Variants in AHCYL2 observed in about 807,000 individuals in gnomAD.
AHCYL2 encodes the protein S-adenosylhomocysteine hydrolase-like protein 2.
Under a neutral mutation model 81.4 loss-of-function variants are expected in AHCYL2, and 28 were observed. The observed-to-expected ratio is 0.34, with a 90% CI of 0.25 to 0.47. The LOEUF is 0.47. AHCYL2 is among the 20% of genes least tolerant of loss of function. AHCYL2 has a pLI of 1.00. For missense variants in AHCYL2, 551 were observed against 785.1 expected (o/e 0.70, Z 3.56); for synonymous variants, 272 against 290.2 (o/e 0.94, Z 0.64).
In AHCYL2 at chr7:129,225,252, G is replaced by C. The variant is rs558245329; in HGVS notation, c.176G>C (p.Arg59Pro). The change falls in exon 1 of 17, where the codon CGG (arginine) becomes CCG (proline). Residue 59 changes from arginine (R) to proline (P), a missense_variant. Arg to Pro is a moderately radical substitution (Grantham distance 103). Transcript: ENST00000325006. ...GAGGCTCCAGCTCCCGCCGCGGAGC[G>C]GCCCCCGGTCCCCGGCCCGGGCTCG... ...DPEAPAPAAE[R>P]PPVPGPGSGP... The C allele has an allele frequency of 2.1e-5, 31 of 1,461,610 alleles. No individual in the cohort carries two copies. In the South Asian group the frequency reaches 4.0e-4, roughly 19 times the overall value. The allele number at this position is 1,461,610 out of a possible 1,614,324, so 90.5% of individuals were successfully genotyped here.
At chr7:129,380,872 CT>C (rs1374946040) in intron 2 of AHCYL2, among the ~76,000 whole-genome samples, 1 of 152,120 alleles carries the variant, frequency 6.6e-6, no homozygotes, top group African/African-American at 2.4e-5. Context: ...TCCTGAGTAG[CT>C]GAGACCACAG....
rs144765228 is a variant in AHCYL2, at chr7:129,247,660, G to A, written c.363+22221G>A. 5.2e-3 allele frequency among the ~76,000 whole-genome samples: 784 copies of A among 152,014 alleles called. 11 individuals carry two copies. The highest frequency in any genetic ancestry group is 0.018 in the African/African-American group (749 of 41,472). On this transcript the variant is annotated intron_variant, in intron 1 of 16. Transcript: ENST00000325006. ...CTGTCACCCAGTTTGGAGTGCAGTAGCATGATCATGGCTTACTGCAGCCTT... is the reference window on the plus strand; with the variant it reads ...CTGTCACCCAGTTTGGAGTGCAGTAACATGATCATGGCTTACTGCAGCCTT...
intron 1 of AHCYL2, among the ~76,000 whole-genome samples, chr7:129,230,117 C>T (rs1432675302): frequency 7.1e-6 from 1 of 141,472 alleles, no homozygotes; most frequent in Non-Finnish European, 1.5e-5. Context: ...CCAAGTCTCG[C>T]TCTGTCACCC....
At chr7:129,289,895 G>A (rs150052954) in intron 1 of AHCYL2, among the ~76,000 whole-genome samples, 6 of 151,746 alleles carry the variant, frequency 4.0e-5, no homozygotes, top group Non-Finnish European at 8.8e-5. Flanking sequence ...TGATTCTCCT[G>A]CCTCAGTCTC....
At chr7:129,230,468 T>C (rs1430505178) in intron 1 of AHCYL2, among the ~76,000 whole-genome samples, 1 of 152,186 alleles carries the variant, frequency 6.6e-6, no homozygotes, top group Non-Finnish European at 1.5e-5. Context: ...TTAAGGAATT[T>C]GTCTCAAGGT....
intron 1 of AHCYL2, among the ~76,000 whole-genome samples, chr7:129,318,736 G>A (rs1325951836): frequency 1.3e-5 from 2 of 151,770 alleles, no homozygotes; most frequent in Non-Finnish European, 1.5e-5. Flanking sequence ...ACATAATTGT[G>A]TATAGTATAG....
At chr7:129,268,189 T>A (rs1400346295) in intron 1 of AHCYL2, among the ~76,000 whole-genome samples, 1 of 152,206 alleles carries the variant, frequency 6.6e-6, no homozygotes, top group Non-Finnish European at 1.5e-5. Flanking sequence ...TTTAAGCCTC[T>A]ATGTTATCTT....
chr7:129,254,583 A>G (rs1795347427), intron 1 of AHCYL2, among the ~76,000 whole-genome samples: 1 of 152,222 alleles, frequency 6.6e-6, no homozygotes, highest in South Asian at 2.1e-4. Flanking sequence ...TTTTCAAAGA[A>G]ATAGCAATTT....
intron 1 of AHCYL2, among the ~76,000 whole-genome samples, chr7:129,256,542 ACCCCC>A (rs1228915009): frequency 6.8e-5 from 4 of 58,456 alleles, no homozygotes; most frequent in African/African-American, 3.0e-4. Flanking sequence ...CCCGCCCCCC[ACCCCC>A]CACCCCCCCC....
intron 1 of AHCYL2, among the ~76,000 whole-genome samples, chr7:129,269,131 G>T (rs1411500191): frequency 7.2e-6 from 1 of 139,376 alleles, no homozygotes; most frequent in African/African-American, 2.7e-5. Flanking sequence ...AATGATTCCT[G>T]TTTTTTTTTT....
At chr7:129,245,481 C>T (rs1795021002) in intron 1 of AHCYL2, among the ~76,000 whole-genome samples, 1 of 152,170 alleles carries the variant, frequency 6.6e-6, no homozygotes, top group Admixed American at 6.5e-5. Context: ...CAAACCAAAA[C>T]TCCATACCCA....
At chr7:129,308,003 G>A (rs574244184) in intron 1 of AHCYL2, among the ~76,000 whole-genome samples, 8 of 151,820 alleles carry the variant, frequency 5.3e-5, no homozygotes, top group African/African-American at 1.9e-4. Context: ...TCCTCAAGCA[G>A]AAGAAAGGGG....
At chr7:129,246,318 A>G (rs1251274756) in intron 1 of AHCYL2, among the ~76,000 whole-genome samples, 3 of 152,140 alleles carry the variant, frequency 2.0e-5, no homozygotes, top group Non-Finnish European at 4.4e-5. Flanking sequence ...TCGGCCTCCC[A>G]AAGTGCTGGG....
At chr7:129,275,795 A>C (rs557022805) in intron 1 of AHCYL2, among the ~76,000 whole-genome samples, 2 of 152,168 alleles carry the variant, frequency 1.3e-5, no homozygotes, top group Non-Finnish European at 2.9e-5. Flanking sequence ...ATAAAATGGA[A>C]AAATTTAACA....
At chr7:129,345,010 C>T (rs1793311367) in intron 1 of AHCYL2, among the ~76,000 whole-genome samples, 1 of 152,020 alleles carries the variant, frequency 6.6e-6, no homozygotes, top group Admixed American at 6.6e-5. Context: ...CGAAAATTAG[C>T]CAGGCATGGT....
rs1171133584 is a variant in AHCYL2, at chr7:129,426,264, T to C, written c.1709-179T>C. On this transcript the variant is annotated intron_variant, in intron 15 of 16. Transcript: ENST00000325006. The surrounding 1 kb of genome is among the most constrained non-coding windows in gnomAD (Gnocchi z 4.3). ...ATTAAGGCTTTGGAAAGCACTGGGC[T>C]TGAAGCTGAAGGCAGCTATTCCTTA... is the stretch of plus-strand genomic sequence containing the variant. Among the ~76,000 whole-genome samples the C allele has an allele frequency of 6.6e-6, 1 of 152,242 alleles. No individual in the cohort carries two copies. The highest frequency in any genetic ancestry group is 1.5e-5 in the Non-Finnish European group (1 of 68,034).
intron 6 of AHCYL2, among the ~76,000 whole-genome samples, 168 bp downstream of exon 6, chr7:129,400,552 C>T (rs1795982445): frequency 2.0e-5 from 3 of 152,126 alleles, no homozygotes; most frequent in African/African-American, 7.2e-5. Context: ...ACGGGTACCC[C>T]AAGAGTATTG....
Position 129,426,609 on chromosome 7 carries a change from G to A in AHCYL2, c.1829+46G>A, listed in dbSNP as rs370533343. On this transcript the variant is annotated intron_variant, in intron 16 of 16. Coordinates refer to ENST00000325006, the MANE Select transcript of AHCYL2 (RefSeq NM_015328.4). This position sits in a 1 kb window ranked among gnomAD's most constrained non-coding sequence, Gnocchi z 4.3. ...ATCAGGGACACCTGGGCAGTGATGA[G>A]CTTCCTGCACTGGAATTGGTCTTTG... 54 of 1,593,422 alleles carry A rather than the reference G, an allele frequency of 3.4e-5. 1 individual carries two copies. The highest frequency in any genetic ancestry group is 8.8e-5 in the Admixed American group (5 of 56,516).
At chr7:129,325,235 T>C (rs1365010962) in intron 1 of AHCYL2, among the ~76,000 whole-genome samples, 5 of 152,218 alleles carry the variant, frequency 3.3e-5, no homozygotes, top group Admixed American at 3.3e-4. Flanking sequence ...TTCCAGCTTT[T>C]ATACATCTGG....
Sources: gnomAD v4.1 joint callset for allele counts (sites outside exome capture counted in the v4.1 genomes callset) on GRCh38, gnomAD v4.1.1 for gene constraint, Gnocchi (gnomAD v3.1) non-coding constraint, MANE v1.5 for transcripts, NCBI Gene and HGNC (gene_info 2026-07-23, HGNC 2026-07-21) for gene names.